BRCA1: variants seen among roughly 807,000 people sequenced by gnomAD.
BRCA1 encodes the protein BRCA1 DNA repair associated, also known as breast cancer type 1 susceptibility protein.
Under a neutral mutation model 173.7 loss-of-function variants are expected in BRCA1, and 140 were observed. The ratio of observed to expected loss-of-function variants is 0.81; its 90% CI spans 0.70 to 0.93. The LOEUF (loss-of-function observed/expected upper bound fraction) is 0.93. Among genes scored for constraint, BRCA1 ranks in the 40% least tolerant of loss-of-function variants. The probability of loss-of-function intolerance (pLI) is 0.00; values close to 1 mark genes in which losing one functional copy is unlikely to be tolerated. For missense variants in BRCA1, 1,983 were observed against 2,172.5 expected, an observed-to-expected ratio of 0.91 and a Z score of 1.73; for synonymous variants, 662 against 756.0, an observed-to-expected ratio of 0.88 and a Z score of 2.04.
Position 43,100,560 on chromosome 17 carries a change from A to G in BRCA1, c.442-680T>C, listed in dbSNP as rs799924. The stretch of plus-strand genomic sequence containing the variant: ...TACATATATATGTGTGTGTGTGTGT[A>G]TATATATATATAACATATATATAAC... On this transcript the variant is annotated intron_variant, in intron 6 of 22. Transcript: ENST00000357654. 0.12 allele frequency among the ~76,000 whole-genome samples: 1,933 copies of G among 16,018 alleles called. 124 individuals carry two copies. Among genetic ancestry groups the G allele is most frequent in the Non-Finnish European group, 0.19 (931 of 4,872 alleles). The allele number at this position is 16,018 out of a possible 152,430, so 10.5% of individuals were successfully genotyped here. A position where few individuals can be genotyped will look rare whatever the true frequency, so the allele number is the denominator to read the frequency against.
intron 1 of BRCA1, among the ~76,000 whole-genome samples, chr17:43,139,256 G>C (rs12452544): frequency 7.0e-6 from 1 of 142,996 alleles, no homozygotes; most frequent in Non-Finnish European, 1.5e-5. Context: ...TTTTATTTTA[G>C]ATTAGGGGAT....
chr17:43,121,072 C>A (rs1329328815), intron 2 of BRCA1, among the ~76,000 whole-genome samples: 13 of 138,114 alleles, frequency 9.4e-5, no homozygotes, highest in East Asian at 9.0e-4. Context: ...TCCAACCCCC[C>A]ACCCCGAAAA....
At chr17:43,164,542 G>A (rs1277508749) in intron 1 of BRCA1, 2 of 152,244 alleles carry the variant, frequency 1.3e-5, no homozygotes, top group Admixed American at 6.5e-5. Context: ...ATAGCACGAG[G>A]AAAGAAAGAA....
At chr17:43,049,053 AG>A in intron 21 of BRCA1, 67 bp downstream of exon 21, 1 of 1,473,344 alleles carries the variant, frequency 6.8e-7, no homozygotes. Flanking sequence ...AGGGACTGAC[AG>A]GTGCCAGTCT....
chr17:43,078,471 C>T (rs1176793253), intron 12 of BRCA1, among the ~76,000 whole-genome samples: 2 of 152,102 alleles, frequency 1.3e-5, no homozygotes, highest in East Asian at 3.9e-4. Context: ...CATGCCTGGC[C>T]AAGGCGGAAA....
At chr17:43,101,144 T>C (rs896540107) in intron 6 of BRCA1, among the ~76,000 whole-genome samples, 7 of 151,998 alleles carry the variant, frequency 4.6e-5, no homozygotes, top group African/African-American at 1.5e-4. Flanking sequence ...TTCCTTCCTT[T>C]TTAGCTCTAT....
chr17:43,057,729 G>A (rs1229796402), intron 18 of BRCA1, among the ~76,000 whole-genome samples: 12 of 151,542 alleles, frequency 7.9e-5, no homozygotes, highest in African/African-American at 2.2e-4. Context: ...CCAGCTACTC[G>A]GGAGGCTGAG....
intron 11 of BRCA1, among the ~76,000 whole-genome samples, chr17:43,083,629 G>A (rs2053115166): frequency 1.3e-5 from 2 of 152,076 alleles, no homozygotes; most frequent in Non-Finnish European, 2.9e-5. Flanking sequence ...TCTAGAATGT[G>A]TCCACCTAGA....
Position 43,077,820 on chromosome 17 carries a change from C to G in BRCA1, c.4358-1206G>C, listed in dbSNP as rs145956834. On this transcript the variant is annotated intron_variant, in intron 12 of 22. Transcript: ENST00000357654. ...ATGATCTTGGCTCACCACAACCTCTCTGCCTCCCAGGTTCAAGCTGTTCTC... is the reference window on the plus strand; with the variant it reads ...ATGATCTTGGCTCACCACAACCTCTGTGCCTCCCAGGTTCAAGCTGTTCTC... 6.6e-4 allele frequency among the ~76,000 whole-genome samples: 101 copies of G among 152,174 alleles called. No homozygotes were observed. The Middle Eastern group carries it at 0.014, about 20-fold the overall frequency.
chr17:43,091,988 G>T lies in BRCA1; in HGVS notation c.3543C>A (p.Val1181=), dbSNP rs1567791230. The part of the protein sequence containing the change: ...KESSAVFSKS[V]QKGELSRSPS... ...GACTCCTGCTAAGCTCTCCTTTCTG[G>T]ACGCTTTTGCTAAAAACAGCAGAAC... is the stretch of plus-strand genomic sequence containing the variant. Residue 1181 remains valine, a synonymous_variant, in exon 10 of 23, where the codon GTC becomes GTA. Coordinates refer to ENST00000357654, the MANE Select transcript of BRCA1 (RefSeq NM_007294.4). 1 of 1,614,048 alleles carries T rather than the reference G, an allele frequency of 6.2e-7. No homozygotes were observed. Among genetic ancestry groups the T allele is most frequent in the Non-Finnish European group, 8.5e-7 (1 of 1,180,010 alleles).
rs776512377 is a variant in BRCA1, at chr17:43,092,709, T to C, written c.2822A>G (p.Asn941Ser). ...VVGQKDKPVD[N>S]AKCSIKGGSR... ...GCCTCCTTTGATACTACATTTGGCA[T>C]TATCAACTGGCTTATCTTTCTGACC... Residue 941 changes from asparagine (N) to serine (S), a missense_variant, in exon 10 of 23, where the codon AAT becomes AGT. Physicochemically the swap from Asn to Ser is conservative, Grantham distance 46 (BLOSUM62 1). Coordinates refer to ENST00000357654, the MANE Select transcript of BRCA1 (RefSeq NM_007294.4). 1 of 1,614,164 alleles carries C rather than the reference T, an allele frequency of 6.2e-7. No individual in the cohort carries two copies. Among genetic ancestry groups the C allele is most frequent in the South Asian group, 1.1e-5 (1 of 91,086 alleles).
intron 1 of BRCA1, among the ~76,000 whole-genome samples, chr17:43,152,113 T>C (rs1013802815): frequency 1.3e-5 from 2 of 152,218 alleles, no homozygotes; most frequent in Non-Finnish European, 2.9e-5. Flanking sequence ...AGATTTGAAA[T>C]CAGCACCACC....
At chr17:43,080,187 C>T (rs2052938806) in intron 12 of BRCA1, among the ~76,000 whole-genome samples, 1 of 152,100 alleles carries the variant, frequency 6.6e-6, no homozygotes, top group African/African-American at 2.4e-5. Context: ...ATGGGCCACA[C>T]CAAACATTTA....
intron 21 of BRCA1, among the ~76,000 whole-genome samples, chr17:43,047,909 C>G (rs2051005290): frequency 6.6e-6 from 1 of 152,032 alleles, no homozygotes; most frequent in Non-Finnish European, 1.5e-5. Flanking sequence ...GTAGCTGGAA[C>G]TACAGACACG....
At chr17:43,123,551 T>C (rs2154575714) in intron 2 of BRCA1, among the ~76,000 whole-genome samples, 1 of 152,234 alleles carries the variant, frequency 6.6e-6, no homozygotes, top group South Asian at 2.1e-4. Context: ...GGTTTCACCA[T>C]GTTGGCCAGG....
chr17:43,142,725 T>G (rs1348359180), intron 1 of BRCA1: 1 of 152,150 alleles, frequency 6.6e-6, no homozygotes, highest in Non-Finnish European at 1.5e-5. Context: ...CTATGACTAT[T>G]TAGTCTTGTG....
chr17:43,140,905 A>G (rs1023210863), intron 1 of BRCA1, among the ~76,000 whole-genome samples: 1 of 152,242 alleles, frequency 6.6e-6, no homozygotes, highest in South Asian at 2.1e-4. Context: ...CTAATCAGAC[A>G]TCGCCTTATT....
In BRCA1 at chr17:43,092,865, G is replaced by A. The variant is rs769712441; in HGVS notation, c.2666C>T (p.Ser889Phe). ...EEECATFSAHSGSLKKQSPKV... is the reference protein window; with the variant it reads ...EEECATFSAHFGSLKKQSPKV... ...TGGACTTTGTTTCTTTAAGGACCCA[G>A]AGTGGGCAGAGAATGTTGCACATTC... is the stretch of plus-strand genomic sequence containing the variant. The change falls in exon 10 of 23, where the codon TCT (serine) becomes TTT (phenylalanine). Residue 889 changes from serine to phenylalanine, a missense_variant. By Grantham distance (155) the Ser-to-Phe change is radical. Coordinates refer to ENST00000357654, the MANE Select transcript of BRCA1 (RefSeq NM_007294.4). 8.1e-6 allele frequency: 13 copies of A among 1,613,976 alleles called. No individual in the cohort carries two copies. The highest frequency in any genetic ancestry group is 1.1e-5 in the Non-Finnish European group (13 of 1,180,006).
At chr17:43,071,677 G>A (rs2052449900) in intron 14 of BRCA1, among the ~76,000 whole-genome samples, 1 of 152,032 alleles carries the variant, frequency 6.6e-6, no homozygotes. Flanking sequence ...AGACACCTAA[G>A]CAATATTATT....
Sources: gnomAD v4.1 joint callset for allele counts (sites outside exome capture counted in the v4.1 genomes callset) on GRCh38, gnomAD v4.1.1 for gene constraint, MANE v1.5 for transcripts, NCBI Gene and HGNC (gene_info 2026-07-23, HGNC 2026-07-21) for gene names.